Variants in BRIP1 observed in about 807,000 individuals in gnomAD.
BRIP1 encodes the protein Fanconi anemia group J protein.
A neutral mutation model predicts 119.7 loss-of-function variants in BRIP1; 88 were observed. That is an observed-to-expected ratio of 0.74 (90% CI 0.62 to 0.88). The LOEUF is 0.88. Among genes scored for constraint, BRIP1 ranks in the 40% least tolerant of loss-of-function variants. BRIP1 has a pLI of 0.00. For synonymous variants in BRIP1, 443 were observed against 496.5 expected (o/e 0.89, Z 1.43); for missense variants, 1,259 against 1,455.4 (o/e 0.87, Z 2.20).
Position 61,684,261 on chromosome 17 carries a change from C to T in BRIP1, c.2906-121G>A, listed in dbSNP as rs1462342735. The T allele has an allele frequency of 5.3e-6, 6 of 1,121,716 alleles. No individual in the cohort carries two copies. Among genetic ancestry groups the T allele is most frequent in the Admixed American group, 5.5e-5 (2 of 36,664 alleles). 69.5% of individuals were successfully genotyped at this position (1,121,716 alleles called of 1,614,324 possible). A position where few individuals can be genotyped will look rare whatever the true frequency, so the allele number is the denominator to read the frequency against. Reference sequence around the variant, plus strand: ...TGTATAGGATACATAACTTAGAGCCCCCAACGAATACTAGTGGATTTTCAT... The same window carrying T: ...TGTATAGGATACATAACTTAGAGCCTCCAACGAATACTAGTGGATTTTCAT... On this transcript the variant is annotated intron_variant, in intron 19 of 19. Coordinates refer to ENST00000259008, the MANE Select transcript of BRIP1 (RefSeq NM_032043.3). This position sits in a 1 kb window ranked among gnomAD's most constrained non-coding sequence, Gnocchi z 4.5.
At chr17:61,733,540 T>G (rs560908404) in intron 16 of BRIP1, among the ~76,000 whole-genome samples, 3 of 152,164 alleles carry the variant, frequency 2.0e-5, no homozygotes, top group Non-Finnish European at 4.4e-5. Context: ...TTTTTTTGTG[T>G]GTGTTTGTTA....
At chr17:61,727,913 C>G (rs1458815636) in intron 16 of BRIP1, among the ~76,000 whole-genome samples, 1 of 151,552 alleles carries the variant, frequency 6.6e-6, no homozygotes. Context: ...ACTGCAACCT[C>G]TGCTCCCTCA....
intron 5 of BRIP1, among the ~76,000 whole-genome samples, 171 bp from the exon 6 acceptor site, chr17:61,847,391 C>T (rs556682000): frequency 1.3e-5 from 2 of 152,226 alleles, no homozygotes; most frequent in Admixed American, 1.3e-4. Context: ...CACCTCATTA[C>T]AACACTTAAA....
chr17:61,679,781 A>C lies in BRIP1; in HGVS notation c.*3515T>G, dbSNP rs1326789961. ...GCATTTAGATGTTTTAACTTATTTA[A>C]ATCTGTAAACATTTCTTTTAAAAGT... On this transcript the variant is annotated 3_prime_UTR_variant, in exon 20 of 20. Transcript: ENST00000259008. This position sits in a 1 kb window ranked among gnomAD's most constrained non-coding sequence, Gnocchi z 4.4. Among the ~76,000 whole-genome samples the C allele has an allele frequency of 2.0e-5, 3 of 152,142 alleles. No individual in the cohort carries two copies. The highest frequency in any genetic ancestry group is 2.9e-5 in the Non-Finnish European group (2 of 68,032).
rs540184830 is a variant in BRIP1, at chr17:61,735,506, G to A, written c.2379+7507C>T. Among the ~76,000 whole-genome samples the A allele has an allele frequency of 6.6e-6, 1 of 152,126 alleles. No homozygotes were observed. Among genetic ancestry groups the A allele is most frequent in the East Asian group, 1.9e-4 (1 of 5,168 alleles). On this transcript the variant is annotated intron_variant, in intron 16 of 19. Coordinates refer to ENST00000259008, the MANE Select transcript of BRIP1 (RefSeq NM_032043.3). The surrounding 1 kb of genome is among the most constrained non-coding windows in gnomAD (Gnocchi z 4.4). ...TTCTTGAAGCCAAGAGTACACCTTA[G>A]GGCTAGGCACGGTGGCTCACACTTG...
At chr17:61,836,404 T>A (rs2078575078) in intron 6 of BRIP1, among the ~76,000 whole-genome samples, 1 of 152,228 alleles carries the variant, frequency 6.6e-6, no homozygotes, top group South Asian at 2.1e-4. Context: ...GCATAAGCCA[T>A]CATGCCTGGC....
chr17:61,834,248 A>G lies in BRIP1; in HGVS notation c.627+12853T>C, dbSNP rs2078536935. Among the ~76,000 whole-genome samples, 1 of 152,164 alleles carries G rather than the reference A, an allele frequency of 6.6e-6. No individual in the cohort carries two copies. Among genetic ancestry groups the G allele is most frequent in the African/African-American group, 2.4e-5 (1 of 41,450 alleles). ...AATTTTGTGTGTGGGGAGGGAGTAT[A>G]TATGTAATATATGTGTAATATATGT... On this transcript the variant is annotated intron_variant, in intron 6 of 19. Transcript: ENST00000259008. This position sits in a 1 kb window ranked among gnomAD's most constrained non-coding sequence, Gnocchi z 4.4.
chr17:61,710,415 T>C lies in BRIP1; in HGVS notation c.2492+5536A>G, dbSNP rs892856888. On this transcript the variant is annotated intron_variant, in intron 17 of 19. Transcript: ENST00000259008. This position sits in a 1 kb window ranked among gnomAD's most constrained non-coding sequence, Gnocchi z 5.4. ...AAACAGATAGGCTATTACAATACAA[T>C]GAGATATGTGCTATAATACAGATAG... 3.3e-5 allele frequency among the ~76,000 whole-genome samples: 5 copies of C among 152,076 alleles called. No individual in the cohort carries two copies. The highest frequency in any genetic ancestry group is 2.1e-4 in the South Asian group (1 of 4,824).
chr17:61,811,130 GT>G (rs1223976812), intron 6 of BRIP1, among the ~76,000 whole-genome samples: 1 of 151,950 alleles, frequency 6.6e-6, no homozygotes, highest in African/African-American at 2.4e-5. Flanking sequence ...GTTTTTGTTT[GT>G]TTTTTTAAGT....
chr17:61,831,976 G>A lies in BRIP1; in HGVS notation c.627+15125C>T, dbSNP rs1327281258. On this transcript the variant is annotated intron_variant, in intron 6 of 19. Coordinates refer to ENST00000259008, the MANE Select transcript of BRIP1 (RefSeq NM_032043.3). The surrounding 1 kb of genome is among the most constrained non-coding windows in gnomAD (Gnocchi z 4.1). Reference sequence around the variant, plus strand: ...TGTATATGTCTATGAGTCTGGGTTTGTGTACACAATACATTGTGTATATTC... The same window carrying A: ...TGTATATGTCTATGAGTCTGGGTTTATGTACACAATACATTGTGTATATTC... Among the ~76,000 whole-genome samples the A allele has an allele frequency of 6.6e-6, 1 of 152,130 alleles. No homozygotes were observed. The highest frequency in any genetic ancestry group is 1.5e-5 in the Non-Finnish European group (1 of 68,026).
chr17:61,769,953 C>T lies in BRIP1; in HGVS notation c.2097+6448G>A, dbSNP rs1260276668. 2.6e-5 allele frequency among the ~76,000 whole-genome samples: 4 copies of T among 152,198 alleles called. No homozygotes were observed. The highest frequency in any genetic ancestry group is 9.7e-5 in the African/African-American group (4 of 41,442). The stretch of plus-strand genomic sequence containing the variant: ...TAAGACATTACCTCTAAAAATCCCA[C>T]CAGGTTCCCACAGTAAAGAGCCAAG... On this transcript the variant is annotated intron_variant, in intron 14 of 19. Transcript: ENST00000259008. The surrounding 1 kb of genome is among the most constrained non-coding windows in gnomAD (Gnocchi z 4.9).
intron 4 of BRIP1, among the ~76,000 whole-genome samples, chr17:61,849,551 T>C (rs911410383): frequency 6.6e-6 from 1 of 152,220 alleles, no homozygotes; most frequent in African/African-American, 2.4e-5. Flanking sequence ...CAAGGATCTC[T>C]GAAGAAAATA....
At chr17:61,855,930 A>T (rs1267229643) in intron 4 of BRIP1, among the ~76,000 whole-genome samples, 1 of 152,190 alleles carries the variant, frequency 6.6e-6, no homozygotes, top group Non-Finnish European at 1.5e-5. Flanking sequence ...GAGAAGACAG[A>T]CTATAATAGG....
chr17:61,707,226 T>G (rs540688902), intron 17 of BRIP1, among the ~76,000 whole-genome samples: 1 of 152,152 alleles, frequency 6.6e-6, no homozygotes, highest in African/African-American at 2.4e-5. Context: ...TTTCTTCTAT[T>G]TTTTTGGTTT....
chr17:61,772,545 G>A (rs572695563), intron 14 of BRIP1, among the ~76,000 whole-genome samples: 85 of 152,158 alleles, frequency 5.6e-4, no homozygotes, highest in African/African-American at 2.0e-3. Context: ...AAGGCCGAAC[G>A]CAGTGGCTCA....
At position 61,761,175 on chromosome 17, in the gene BRIP1, T is replaced by C. The variant is rs1603311049; in HGVS notation, c.2097+15226A>G. Among the ~76,000 whole-genome samples, 2 of 151,984 alleles carry C rather than the reference T, an allele frequency of 1.3e-5. No individual in the cohort carries two copies. Among genetic ancestry groups the C allele is most frequent in the East Asian group, 1.9e-4 (1 of 5,196 alleles). ...AACCATATGATCATCTCATTAGATGTAGAAAAATCATTTGACAAAATTCAA... is the reference window on the plus strand; with the variant it reads ...AACCATATGATCATCTCATTAGATGCAGAAAAATCATTTGACAAAATTCAA... On this transcript the variant is annotated intron_variant, in intron 14 of 19. Transcript: ENST00000259008. The surrounding 1 kb of genome is among the most constrained non-coding windows in gnomAD (Gnocchi z 6.4).
chr17:61,719,737 AAAG>A (rs1168558494), intron 16 of BRIP1, among the ~76,000 whole-genome samples: 1 of 151,878 alleles, frequency 6.6e-6, no homozygotes, highest in Non-Finnish European at 1.5e-5. Context: ...AAAAAAAAAA[AAAG>A]GTTAATCTCA....
intron 4 of BRIP1, among the ~76,000 whole-genome samples, chr17:61,849,474 T>C (rs1306825976): frequency 7.7e-6 from 1 of 130,610 alleles, no homozygotes; most frequent in East Asian, 2.0e-4. Flanking sequence ...AAGTCCAATT[T>C]GATTTTTTAA....
At chr17:61,733,386 C>T (rs2076876613) in intron 16 of BRIP1, among the ~76,000 whole-genome samples, 1 of 152,104 alleles carries the variant, frequency 6.6e-6, no homozygotes, top group Non-Finnish European at 1.5e-5. Flanking sequence ...ATACTACCAT[C>T]ATCTGATAAT....
Sources: allele counts gnomAD v4.1 joint callset (sites outside exome capture counted in the v4.1 genomes callset), GRCh38; gene constraint gnomAD v4.1.1; non-coding constraint Gnocchi (gnomAD v3.1); transcripts MANE v1.5; gene names NCBI Gene and HGNC (gene_info 2026-07-23, HGNC 2026-07-21).